Variants in FGGY observed in about 807,000 individuals in gnomAD.
FGGY encodes the protein FGGY carbohydrate kinase domain containing.
In FGGY, 72 loss-of-function variants were observed where a neutral mutation model predicts 71.3. That is an observed-to-expected ratio of 1.01 (90% CI 0.84 to 1.23). The LOEUF is 1.23. Ranked by LOEUF, FGGY falls within the 50% of genes most tolerant of loss-of-function variation. FGGY has a pLI of 0.00. For synonymous variants in FGGY, 251 were observed against 250.3 expected (o/e 1.00, Z -0.02); for missense variants, 668 against 682.3 (o/e 0.98, Z 0.23).
Position 59,596,707 on chromosome 1 carries a change from ACCCAGGC to A in FGGY, c.904-11094_904-11088del, listed in dbSNP as rs1260665068. On this transcript the variant is annotated intron_variant, in intron 8 of 15. Transcript: ENST00000303721. ...CTGCTGATTGCAGTGGCTTCCAGGCACCCAGGCCTGGGAAAGATTCACAGGCCTAGTC... is the reference window on the plus strand; with the variant it reads ...CTGCTGATTGCAGTGGCTTCCAGGCACTGGGAAAGATTCACAGGCCTAGTC... Among the ~76,000 whole-genome samples the A allele has an allele frequency of 2.2e-3, 330 of 152,306 alleles. 4 individuals are homozygous for A. Among genetic ancestry groups the A allele is most frequent in the Non-Finnish European group, 5.1e-4 (35 of 68,022 alleles).
chr1:59,605,099 T>C (rs573223282), intron 8 of FGGY, among the ~76,000 whole-genome samples: 29 of 152,286 alleles, frequency 1.9e-4, no homozygotes, highest in South Asian at 4.1e-4. Context: ...ATAATTTCCA[T>C]GCATGTTTTA....
intron 6 of FGGY, among the ~76,000 whole-genome samples, chr1:59,475,066 T>C (rs2093192588): frequency 1.3e-5 from 2 of 152,254 alleles, no homozygotes; most frequent in South Asian, 2.1e-4. Context: ...CTCTAGGTGA[T>C]AGATTATCTG....
In FGGY at chr1:59,513,420, G is replaced by T. The variant is rs528937277; in HGVS notation, c.799+981G>T. 1.7e-4 allele frequency among the ~76,000 whole-genome samples: 26 copies of T among 152,244 alleles called. No individual in the cohort carries two copies. In the South Asian group the frequency reaches 2.1e-3, roughly 12 times the overall value. On this transcript the variant is annotated intron_variant, in intron 7 of 15. Transcript: ENST00000303721. Reference sequence around the variant, plus strand: ...CATGCATTTACACCTCTGTGACTTGGCACACATGTTCTTTGTCCAGAATGA... The same window carrying T: ...CATGCATTTACACCTCTGTGACTTGTCACACATGTTCTTTGTCCAGAATGA...
chr1:59,552,501 C>T (rs2095623268), intron 7 of FGGY, among the ~76,000 whole-genome samples: 1 of 152,154 alleles, frequency 6.6e-6, no homozygotes, highest in Admixed American at 6.5e-5. Context: ...AGTGGAAAAC[C>T]CTCGAAAGCT....
chr1:59,494,044 C>A (rs1037434817), intron 6 of FGGY, among the ~76,000 whole-genome samples: 1 of 152,092 alleles, frequency 6.6e-6, no homozygotes, highest in East Asian at 1.9e-4. Flanking sequence ...GGGAGGAAGG[C>A]AGGGTTTGTA....
intron 14 of FGGY, among the ~76,000 whole-genome samples, chr1:59,722,058 A>G (rs1037445936): frequency 6.6e-5 from 10 of 152,160 alleles, no homozygotes; most frequent in African/African-American, 2.4e-4. Context: ...ACCACGTTAC[A>G]TTTAGTCATC....
At chr1:59,558,376 G>C (rs1165842171) in intron 8 of FGGY, among the ~76,000 whole-genome samples, 2 of 152,264 alleles carry the variant, frequency 1.3e-5, no homozygotes, top group East Asian at 3.9e-4. Context: ...GAGAAATAAA[G>C]AGAAAGAGTA....
chr1:59,721,602 T>A (rs1391171018), intron 14 of FGGY, among the ~76,000 whole-genome samples: 2 of 152,102 alleles, frequency 1.3e-5, no homozygotes, highest in Admixed American at 1.3e-4. Flanking sequence ...CTTCCCAAAG[T>A]GCTGGGATTA....
intron 2 of FGGY, 88 bp downstream of exon 2, chr1:59,321,838 G>T: frequency 1.4e-6 from 2 of 1,386,320 alleles, no homozygotes; most frequent in Non-Finnish European, 2.0e-6. Context: ...CAATGTTGGG[G>T]TAACTTTAGA....
chr1:59,564,555 G>C (rs2095845409), intron 8 of FGGY, among the ~76,000 whole-genome samples: 1 of 152,218 alleles, frequency 6.6e-6, no homozygotes, highest in Non-Finnish European at 1.5e-5. Context: ...AGGAGCAGAG[G>C]ATGCTCAAAA....
At chr1:59,559,226 T>C (rs1204864392) in intron 8 of FGGY, among the ~76,000 whole-genome samples, 1 of 152,206 alleles carries the variant, frequency 6.6e-6, no homozygotes, top group African/African-American at 2.4e-5. Context: ...CTGATAAATG[T>C]CCATATTAAA....
At chr1:59,705,423 C>G (rs577474791) in intron 14 of FGGY, among the ~76,000 whole-genome samples, 1 of 152,034 alleles carries the variant, frequency 6.6e-6, no homozygotes, top group African/African-American at 2.4e-5. Flanking sequence ...CTTTTATGTG[C>G]GCAGTAAGGA....
chr1:59,419,831 ATT>A (rs5774461), intron 5 of FGGY, among the ~76,000 whole-genome samples: 1 of 151,498 alleles, frequency 6.6e-6, no homozygotes, highest in Non-Finnish European at 1.5e-5. Flanking sequence ...GTGTCAATGG[ATT>A]TTTTTTTCAA....
At chr1:59,697,267 T>C (rs1306206341) in intron 14 of FGGY, among the ~76,000 whole-genome samples, 2 of 152,192 alleles carry the variant, frequency 1.3e-5, no homozygotes, top group African/African-American at 4.8e-5. Flanking sequence ...TTCACATTAT[T>C]GTGCAACCAT....
chr1:59,653,800 G>A (rs936116312), intron 11 of FGGY, among the ~76,000 whole-genome samples: 1 of 152,164 alleles, frequency 6.6e-6, no homozygotes, highest in Non-Finnish European at 1.5e-5. Context: ...TTTTAAGCCA[G>A]CAATGATGGG....
intron 4 of FGGY, among the ~76,000 whole-genome samples, chr1:59,349,862 T>TC (rs1467753197): frequency 2.0e-5 from 3 of 152,194 alleles, no homozygotes; most frequent in African/African-American, 4.8e-5. Flanking sequence ...AGGTTCTGAT[T>TC]CAGTAGCTTT....
At chr1:59,468,110 T>G (rs2092741410) in intron 6 of FGGY, among the ~76,000 whole-genome samples, 1 of 151,824 alleles carries the variant, frequency 6.6e-6, no homozygotes, top group South Asian at 2.1e-4. Context: ...TCTATGTTGG[T>G]CAGGCTGGTC....
intron 10 of FGGY, chr1:59,626,852 C>G (rs1449687711): frequency 6.7e-6 from 1 of 148,246 alleles, no homozygotes; most frequent in Admixed American, 6.7e-5. Context: ...GAGACTCCGT[C>G]TCAAAAAAAA....
chr1:59,470,169 C>T (rs553776748), intron 6 of FGGY, among the ~76,000 whole-genome samples: 4 of 152,280 alleles, frequency 2.6e-5, no homozygotes, highest in South Asian at 2.1e-4. Flanking sequence ...TTTGAGGAAT[C>T]GCCACATTGT....
Sources: gnomAD v4.1 joint callset for allele counts (sites outside exome capture counted in the v4.1 genomes callset) on GRCh38, gnomAD v4.1.1 for gene constraint, MANE v1.5 for transcripts, NCBI Gene and HGNC (gene_info 2026-07-23, HGNC 2026-07-21) for gene names.